The following NABP2 variants were observed in gnomAD, a reference collection of about 807,000 sequenced individuals.
The protein encoded by NABP2 is nucleic acid binding protein 2, also known as SOSS complex subunit B1.
A neutral mutation model predicts 22.7 loss-of-function variants in NABP2; 7 were observed. That is an observed-to-expected ratio of 0.31 (90% CI 0.18 to 0.58). NABP2 has a LOEUF of 0.58. NABP2 is among the 20% of genes least tolerant of loss of function. The pLI, the probability that NABP2 is intolerant of heterozygous loss-of-function variation, is 0.89. For missense variants in NABP2, 188 were observed against 265.9 expected (o/e 0.71, Z 2.04); for synonymous variants, 107 against 99.2 (o/e 1.08, Z -0.47).
In NABP2 at chr12:56,229,615, T is replaced by C; in HGVS notation, c.*402T>C. The C allele has an allele frequency of 5.2e-6, 1 of 192,152 alleles. No homozygotes were observed. Among genetic ancestry groups the C allele is most frequent in the Non-Finnish European group, 1.1e-5 (1 of 92,446 alleles). 11.9% of individuals were successfully genotyped at this position (192,152 alleles called of 1,614,324 possible). On this transcript the variant is annotated 3_prime_UTR_variant, in exon 7 of 7. Coordinates refer to ENST00000267023, the MANE Select transcript of NABP2 (RefSeq NM_024068.4). ...CAGGCATGGTGGCGTATGCCTGTAA[T>C]CCCAGCTACTTAGGAGGCTGAGGCA...
chr12:56,226,557 C>CCT (rs753389685), intron 6 of NABP2, 138 bp downstream of exon 6: 50 of 271,944 alleles, frequency 1.8e-4, no homozygotes, highest in Non-Finnish European at 2.4e-4. Context: ...TCCCAGACCC[C>CCT]TTTTTTTTTT....
Position 56,229,087 on chromosome 12 carries a change from T to TTGGCCA in NABP2, c.510_511insTGGCCA (p.Thr170_Pro171insTrpPro). 6.6e-7 allele frequency: 1 copy of TTGGCCA among 1,512,336 alleles called. No individual in the cohort carries two copies. Among genetic ancestry groups the TTGGCCA allele is most frequent in the Non-Finnish European group, 9.1e-7 (1 of 1,102,004 alleles). The allele number at this position is 1,512,336 out of a possible 1,614,324, so 93.7% of individuals were successfully genotyped here. ...GTGGTGGCCCACATCCCCCTCATAC[T>TTGGCCA]CCCTCCCACCCACCCAGCACCCGAA... On this transcript the variant is annotated inframe_insertion, in exon 7 of 7. Coordinates refer to ENST00000267023, the MANE Select transcript of NABP2 (RefSeq NM_024068.4).
rs534758952 is a variant in NABP2, at chr12:56,227,827, T to C, written c.437-1187T>C. On this transcript the variant is annotated intron_variant, in intron 6 of 6. Transcript: ENST00000267023. The stretch of plus-strand genomic sequence containing the variant: ...GACCTCATCTCTAAAACAGTAAAAA[T>C]TAAAAAATAAATATTTATATACACA... Among the ~76,000 whole-genome samples, 4 of 151,958 alleles carry C rather than the reference T, an allele frequency of 2.6e-5. No individual in the cohort carries two copies. The South Asian group carries it at 6.2e-4, about 24-fold the overall frequency.
At position 56,224,368 on chromosome 12, in the gene NABP2, T is replaced by G; in HGVS notation, c.-97T>G. ...CACTCCCGCGTTCCACGGGGCAGCA[T>G]CCGGCGGCAGCGGAGCCTGTGGCTC... On this transcript the variant is annotated 5_prime_UTR_variant, in exon 1 of 7. Coordinates refer to ENST00000267023, the MANE Select transcript of NABP2 (RefSeq NM_024068.4). 1.0e-6 allele frequency: 1 copy of G among 990,462 alleles called. No homozygotes were observed. The highest frequency in any genetic ancestry group is 1.2e-6 in the Non-Finnish European group (1 of 832,024). The allele number at this position is 990,462 out of a possible 1,614,324, so 61.4% of individuals were successfully genotyped here. A position where few individuals can be genotyped will look rare whatever the true frequency, so the allele number is the denominator to read the frequency against.
Position 56,229,087 on chromosome 12 carries a change from T to TTGCGCCC in NABP2, c.510_511insTGCGCCC (p.Pro171CysfsTer32). ...GTGGTGGCCCACATCCCCCTCATAC[T>TTGCGCCC]CCCTCCCACCCACCCAGCACCCGAA... On this transcript the variant is annotated frameshift_variant, in exon 7 of 7. Transcript: ENST00000267023. LOFTEE classifies it high-confidence loss of function. 6.6e-7 allele frequency: 1 copy of TTGCGCCC among 1,512,344 alleles called. No homozygotes were observed. The highest frequency in any genetic ancestry group is 9.1e-7 in the Non-Finnish European group (1 of 1,102,014). 93.7% of individuals were successfully genotyped at this position (1,512,344 alleles called of 1,614,324 possible).
rs766086454 is a variant in NABP2, at chr12:56,229,091, T to A, written c.514T>A (p.Ser172Thr). 3.2e-5 allele frequency: 13 copies of A among 400,988 alleles called. No individual in the cohort carries two copies. Among genetic ancestry groups the A allele is most frequent in the East Asian group, 8.1e-5 (1 of 12,330 alleles). 24.8% of individuals were successfully genotyped at this position (400,988 alleles called of 1,614,324 possible). A position where few individuals can be genotyped will look rare whatever the true frequency, so the allele number is the denominator to read the frequency against. Residue 172 changes from serine to threonine, a missense_variant, in exon 7 of 7, where the codon TCC (serine) becomes ACC (threonine). Coordinates refer to ENST00000267023, the MANE Select transcript of NABP2 (RefSeq NM_024068.4). ...TGGCCCACATCCCCCTCATACTCCCTCCCACCCACCCAGCACCCGAATCAC... is the reference window on the plus strand; with the variant it reads ...TGGCCCACATCCCCCTCATACTCCCACCCACCCACCCAGCACCCGAATCAC... The part of the protein sequence containing the change: ...GGGPHPPHTP[S>T]HPPSTRITRS...
Position 56,225,497 on chromosome 12 carries a change from C to T in NABP2, c.204C>T (p.Ile68=). The T allele has an allele frequency of 6.2e-7, 1 of 1,614,234 alleles. No individual in the cohort carries two copies. The highest frequency in any genetic ancestry group is 8.5e-7 in the Non-Finnish European group (1 of 1,180,052). Residue 68 remains isoleucine, a synonymous_variant, in exon 3 of 7, where the codon ATC becomes ATT. Coordinates refer to ENST00000267023, the MANE Select transcript of NABP2 (RefSeq NM_024068.4). The stretch of plus-strand genomic sequence containing the variant: ...ATCTGATCCAGCCTGGGGACATTAT[C>T]CGGCTCACCAAAGGGTAAGTCAGCT... ...VGNLIQPGDI[I]RLTKGYASVF...
chr12:56,227,067 T>C (rs1006419133), intron 6 of NABP2, among the ~76,000 whole-genome samples: 1 of 149,664 alleles, frequency 6.7e-6, no homozygotes, highest in Non-Finnish European at 1.5e-5. Context: ...CAGGGTTCAG[T>C]AGAGATATGG....
chr12:56,229,087 T>TGCCCGCC lies in NABP2; in HGVS notation c.510_511insGCCCGCC (p.Pro171AlafsTer32). On this transcript the variant is annotated frameshift_variant, in exon 7 of 7. Transcript: ENST00000267023. LOFTEE classifies it high-confidence loss of function. The stretch of plus-strand genomic sequence containing the variant: ...GTGGTGGCCCACATCCCCCTCATAC[T>TGCCCGCC]CCCTCCCACCCACCCAGCACCCGAA... 1 of 1,512,338 alleles carries TGCCCGCC rather than the reference T, an allele frequency of 6.6e-7. No homozygotes were observed. Among genetic ancestry groups the TGCCCGCC allele is most frequent in the Non-Finnish European group, 9.1e-7 (1 of 1,102,006 alleles). The allele number at this position is 1,512,338 out of a possible 1,614,324, so 93.7% of individuals were successfully genotyped here.
rs761418708 is a variant in NABP2 at position 56,224,849 on chromosome 12, C to T, written c.-8C>T. ...CCCCATCCAGTGGGGTGCCGAGGCT[C>T]AGGCAGCATGACGACGGAGACCTTT... On this transcript the variant is annotated 5_prime_UTR_variant, in exon 2 of 7. Coordinates refer to ENST00000267023, the MANE Select transcript of NABP2 (RefSeq NM_024068.4). 1 of 1,613,482 alleles carries T rather than the reference C, an allele frequency of 6.2e-7. No individual in the cohort carries two copies. Among genetic ancestry groups the T allele is most frequent in the Non-Finnish European group, 8.5e-7 (1 of 1,179,908 alleles).
Position 56,229,087 on chromosome 12 carries a change from T to TTGCCCCCCCCCCCCCCCCCC in NABP2, c.510_511insTGCCCCCCCCCCCCCCCCCC (p.Pro171CysfsTer69). The TTGCCCCCCCCCCCCCCCCCC allele has an allele frequency of 6.6e-7, 1 of 1,512,340 alleles. No individual in the cohort carries two copies. The highest frequency in any genetic ancestry group is 9.1e-7 in the Non-Finnish European group (1 of 1,102,010). The allele number at this position is 1,512,340 out of a possible 1,614,324, so 93.7% of individuals were successfully genotyped here. A position where few individuals can be genotyped will look rare whatever the true frequency, so the allele number is the denominator to read the frequency against. ...GTGGTGGCCCACATCCCCCTCATAC[T>TTGCCCCCCCCCCCCCCCCCC]CCCTCCCACCCACCCAGCACCCGAA... On this transcript the variant is annotated frameshift_variant, in exon 7 of 7. Coordinates refer to ENST00000267023, the MANE Select transcript of NABP2 (RefSeq NM_024068.4). LOFTEE classifies it high-confidence loss of function.
At position 56,226,671 on chromosome 12, in the gene NABP2, T is replaced by G. The variant is rs1171348720; in HGVS notation, c.436+252T>G. Among the ~76,000 whole-genome samples the G allele has an allele frequency of 2.8e-5, 4 of 144,216 alleles. No homozygotes were observed. In the Admixed American group the frequency reaches 3.0e-4, roughly 11 times the overall value. 94.6% of individuals were successfully genotyped at this position (144,216 alleles called of 152,430 possible). ...ACCTCCGCCTCCCAGGTTCAAGTGA[T>G]TCTCCTGCCTCAGCCTCCCAAGTAA... On this transcript the variant is annotated intron_variant, in intron 6 of 6. Coordinates refer to ENST00000267023, the MANE Select transcript of NABP2 (RefSeq NM_024068.4).
In NABP2 at chr12:56,224,860, A is replaced by T. The variant is rs772763751; in HGVS notation, c.4A>T (p.Thr2Ser). 6.2e-7 allele frequency: 1 copy of T among 1,613,760 alleles called. No individual in the cohort carries two copies. The highest frequency in any genetic ancestry group is 8.5e-7 in the Non-Finnish European group (1 of 1,179,954). The change falls in exon 2 of 7, where the codon ACG (threonine) becomes TCG (serine). Residue 2 changes from threonine to serine, a missense_variant. Coordinates refer to ENST00000267023, the MANE Select transcript of NABP2 (RefSeq NM_024068.4). MTTETFVKDIKP... is the reference protein window; with the variant it reads MSTETFVKDIKP... ...GGGGTGCCGAGGCTCAGGCAGCATG[A>T]CGACGGAGACCTTTGTGAAGGATAT... is the stretch of plus-strand genomic sequence containing the variant.
Position 56,229,094 on chromosome 12 carries a change from C to T in NABP2, c.517C>T (p.His173Tyr). 1.3e-6 allele frequency: 2 copies of T among 1,527,250 alleles called. No individual in the cohort carries two copies. The highest frequency in any genetic ancestry group is 1.8e-6 in the Non-Finnish European group (2 of 1,105,730). The allele number at this position is 1,527,250 out of a possible 1,614,324, so 94.6% of individuals were successfully genotyped here. The change falls in exon 7 of 7, where the codon CAC (histidine) becomes TAC (tyrosine). Residue 173 changes from histidine (H) to tyrosine (Y), a missense_variant. Transcript: ENST00000267023. Reference protein sequence around the residue: ...GGPHPPHTPSHPPSTRITRSQ... With the variant: ...GGPHPPHTPSYPPSTRITRSQ... ...CCCACATCCCCCTCATACTCCCTCCCACCCACCCAGCACCCGAATCACTCG... is the reference window on the plus strand; with the variant it reads ...CCCACATCCCCCTCATACTCCCTCCTACCCACCCAGCACCCGAATCACTCG...
Position 56,229,049 on chromosome 12 carries a change from C to T in NABP2, c.472C>T (p.Pro158Ser). ...ENQNGNGLSA[P>S]PGPGGGPHPP... is the part of the protein sequence containing the mutation. ...CCAGAATGGGAATGGACTGAGTGCC[C>T]CACCAGGTCCCGGTGGTGGCCCACA... The change falls in exon 7 of 7, where the codon CCA becomes TCA. Residue 158 changes from proline (P) to serine (S), a missense_variant. Coordinates refer to ENST00000267023, the MANE Select transcript of NABP2 (RefSeq NM_024068.4). The T allele has an allele frequency of 6.2e-7, 1 of 1,613,328 alleles. No individual in the cohort carries two copies. The highest frequency in any genetic ancestry group is 8.5e-7 in the Non-Finnish European group (1 of 1,179,692).
intron 2 of NABP2, 91 bp downstream of exon 2, chr12:56,225,026 G>A (rs537197441): frequency 3.1e-6 from 3 of 973,136 alleles, no homozygotes; most frequent in Non-Finnish European, 4.8e-6. Context: ...CTATGGGGAT[G>A]GCAAGGCAAG....
At chr12:56,227,624 AACAAAT>A (rs1869834829) in intron 6 of NABP2, among the ~76,000 whole-genome samples, 1 of 152,148 alleles carries the variant, frequency 6.6e-6, no homozygotes, top group Non-Finnish European at 1.5e-5. Flanking sequence ...TGAGAGCTCA[AACAAAT>A]CATCCCACAC....
chr12:56,224,055 TC>T (rs1413799022), upstream of NABP2, among the ~76,000 whole-genome samples: 1 of 152,202 alleles, frequency 6.6e-6, no homozygotes, highest in African/African-American at 2.4e-5. Context: ...TTGCTCCTTT[TC>T]CCATTGTGTC....
chr12:56,226,912 C>T (rs1359614777), intron 6 of NABP2, among the ~76,000 whole-genome samples: 2 of 150,600 alleles, frequency 1.3e-5, no homozygotes, highest in African/African-American at 2.4e-5. Flanking sequence ...TTAGTAGAGA[C>T]GGGGTTTCAC....
Sources: allele counts gnomAD v4.1 joint callset (sites outside exome capture counted in the v4.1 genomes callset), GRCh38; gene constraint gnomAD v4.1.1; transcripts MANE v1.5; gene names NCBI Gene and HGNC (gene_info 2026-07-23, HGNC 2026-07-21).